Variants in RABGAP1L observed in about 807,000 individuals in gnomAD.
The protein encoded by RABGAP1L is rab GTPase-activating protein 1-like.
A neutral mutation model predicts 137.7 loss-of-function variants in RABGAP1L; 63 were observed. The ratio of observed to expected loss-of-function variants is 0.46; its 90% CI spans 0.37 to 0.56. The LOEUF is 0.56. RABGAP1L is among the 20% of genes least tolerant of loss of function. The pLI, the probability that RABGAP1L is intolerant of heterozygous loss-of-function variation, is 0.00. For missense variants in RABGAP1L, 1,095 were observed against 1,244.0 expected (o/e 0.88, Z 1.80); for synonymous variants, 431 against 433.7 (o/e 0.99, Z 0.08).
intron 13 of RABGAP1L, among the ~76,000 whole-genome samples, chr1:174,396,599 T>G (rs1647887300): frequency 6.6e-6 from 1 of 152,024 alleles, no homozygotes; most frequent in African/African-American, 2.4e-5. Flanking sequence ...AATAATAAAC[T>G]AAATTATATA....
intron 19 of RABGAP1L, chr1:174,948,822 A>T (rs1467903680): frequency 6.6e-6 from 1 of 152,182 alleles, no homozygotes; most frequent in African/African-American, 2.4e-5. Flanking sequence ...GTACTAGAAG[A>T]AGTCCTGTGT....
At chr1:174,770,515 G>A (rs1245862559) in intron 18 of RABGAP1L, among the ~76,000 whole-genome samples, 1 of 152,080 alleles carries the variant, frequency 6.6e-6, no homozygotes, top group African/African-American at 2.4e-5. Flanking sequence ...GAAGACAGTT[G>A]AATAAACACA....
At chr1:174,589,401 A>T (rs1002201875) in intron 13 of RABGAP1L, among the ~76,000 whole-genome samples, 1 of 152,164 alleles carries the variant, frequency 6.6e-6, no homozygotes, top group African/African-American at 2.4e-5. Context: ...TTTGTAGATT[A>T]TCTCTTCACT....
chr1:174,786,460 G>A (rs139842586), intron 18 of RABGAP1L, among the ~76,000 whole-genome samples: 80 of 152,174 alleles, frequency 5.3e-4, no homozygotes, highest in African/African-American at 1.9e-3. Context: ...AAATCCAAAC[G>A]GAAGCCAATA....
chr1:174,546,015 A>G (rs1446441006), intron 13 of RABGAP1L: 2 of 152,186 alleles, frequency 1.3e-5, no homozygotes, highest in Non-Finnish European at 2.9e-5. Flanking sequence ...TGTCATAAAG[A>G]AAAAAAGAAT....
At chr1:174,777,615 A>G (rs934733675) in intron 18 of RABGAP1L, among the ~76,000 whole-genome samples, 3 of 152,248 alleles carry the variant, frequency 2.0e-5, no homozygotes, top group African/African-American at 4.8e-5. Context: ...TCTAGATTTT[A>G]TAATTGGCAG....
At chr1:174,612,609 T>G (rs2148219180) in intron 13 of RABGAP1L, among the ~76,000 whole-genome samples, 1 of 152,280 alleles carries the variant, frequency 6.6e-6, no homozygotes, top group South Asian at 2.1e-4. Context: ...TTCTATTGAT[T>G]GGAATAGTTT....
chr1:174,523,828 T>G (rs1169314606), intron 13 of RABGAP1L, among the ~76,000 whole-genome samples: 6 of 152,206 alleles, frequency 3.9e-5, no homozygotes, highest in Admixed American at 3.9e-4. Context: ...CCTCATTCTA[T>G]TCTCAATTTG....
intron 19 of RABGAP1L, among the ~76,000 whole-genome samples, chr1:174,881,008 G>C (rs929675117): frequency 1.3e-5 from 2 of 152,196 alleles, no homozygotes; most frequent in Non-Finnish European, 2.9e-5. Context: ...AGTGATGGCT[G>C]AAGAGGTGGA....
chr1:174,765,761 A>G (rs1469904523), intron 18 of RABGAP1L, among the ~76,000 whole-genome samples: 1 of 152,174 alleles, frequency 6.6e-6, no homozygotes, highest in African/African-American at 2.4e-5. Flanking sequence ...AAGGAAGTCC[A>G]ATTTATTTTT....
intron 19 of RABGAP1L, among the ~76,000 whole-genome samples, chr1:174,906,640 T>G (rs1232341349): frequency 6.6e-6 from 1 of 151,510 alleles, no homozygotes; most frequent in African/African-American, 2.4e-5. Flanking sequence ...AAAATAAAAA[T>G]TAATATAATA....
At chr1:174,896,623 A>G (rs1454906879) in intron 19 of RABGAP1L, among the ~76,000 whole-genome samples, 1 of 152,160 alleles carries the variant, frequency 6.6e-6, no homozygotes, top group Non-Finnish European at 1.5e-5. Context: ...TGTATAAGGT[A>G]TAAGGAAGGG....
At chr1:174,384,989 C>T (rs1317293591) in intron 12 of RABGAP1L, among the ~76,000 whole-genome samples, 5 of 151,964 alleles carry the variant, frequency 3.3e-5, no homozygotes, top group African/African-American at 1.2e-4. Flanking sequence ...CATCTTGAAC[C>T]CTGGGAATGT....
chr1:174,462,256 C>T (rs778045196), intron 13 of RABGAP1L, among the ~76,000 whole-genome samples: 11 of 152,148 alleles, frequency 7.2e-5, no homozygotes, highest in Non-Finnish European at 1.0e-4. Context: ...GCTATTTATT[C>T]AGGCCAGAAA....
intron 18 of RABGAP1L, among the ~76,000 whole-genome samples, chr1:174,799,684 C>T (rs1373841832): frequency 2.0e-5 from 3 of 152,104 alleles, no homozygotes; most frequent in Non-Finnish European, 2.9e-5. Context: ...ACACACTCTG[C>T]ATGCTCATTC....
chr1:174,954,853 C>T (rs566585933), intron 19 of RABGAP1L, among the ~76,000 whole-genome samples: 2 of 152,294 alleles, frequency 1.3e-5, no homozygotes, highest in African/African-American at 4.8e-5. Flanking sequence ...AACCCTGAAG[C>T]TTCCCCTTTT....
In RABGAP1L at chr1:174,438,491, G is replaced by A. The variant is rs556189672; in HGVS notation, c.1710+44346G>A. ...CCCAGCACTTTGGGAGGCTGAGGCA[G>A]GTGATCACTTGAGTTCAGGAGTTTG... On this transcript the variant is annotated intron_variant, in intron 13 of 25. Coordinates refer to ENST00000681986, the MANE Select transcript of RABGAP1L (RefSeq NM_001366446.1). Among the ~76,000 whole-genome samples the A allele has an allele frequency of 2.6e-5, 4 of 151,962 alleles. No individual in the cohort carries two copies. The South Asian group carries it at 8.3e-4, about 32-fold the overall frequency.
chr1:174,823,628 G>A (rs1002009286), intron 19 of RABGAP1L, among the ~76,000 whole-genome samples: 4 of 152,118 alleles, frequency 2.6e-5, no homozygotes, highest in African/African-American at 9.7e-5. Context: ...TTGATAGAAG[G>A]AATAAGTTAT....
At chr1:174,687,516 C>T (rs1678566187) in intron 15 of RABGAP1L, among the ~76,000 whole-genome samples, 1 of 152,014 alleles carries the variant, frequency 6.6e-6, no homozygotes, top group African/African-American at 2.4e-5. Context: ...ATTAACTGAC[C>T]AACCCATCCA....
Sources: allele counts gnomAD v4.1 joint callset (sites outside exome capture counted in the v4.1 genomes callset), GRCh38; gene constraint gnomAD v4.1.1; transcripts MANE v1.5; gene names NCBI Gene and HGNC (gene_info 2026-07-23, HGNC 2026-07-21).